ANK3: variants seen among roughly 807,000 people sequenced by gnomAD.
ANK3 encodes the protein ankyrin 3, also known as ankyrin-3.
A neutral mutation model predicts 370.9 loss-of-function variants in ANK3; 57 were observed. That is an observed-to-expected ratio of 0.15 (90% CI 0.12 to 0.19). The LOEUF (loss-of-function observed/expected upper bound fraction) is 0.19, where lower values mean the gene tolerates loss of function less well. Among genes scored for constraint, ANK3 ranks in the 10% least tolerant of loss-of-function variants. The pLI is 1.00. For missense variants in ANK3, 4,439 were observed against 5,302.1 expected (o/e 0.84, Z 5.06); for synonymous variants, 1,929 against 1,946.3 (o/e 0.99, Z 0.23).
chr10:60,435,808 A>G (rs1204930553), intron 2 of ANK3, among the ~76,000 whole-genome samples: 1 of 152,206 alleles, frequency 6.6e-6, no homozygotes, highest in African/African-American at 2.4e-5. Context: ...CATGTTTTTA[A>G]AGTCTCATCG....
At chr10:60,375,457 C>T (rs1417959885) in intron 1 of ANK3, among the ~76,000 whole-genome samples, 2 of 150,928 alleles carry the variant, frequency 1.3e-5, no homozygotes, top group Non-Finnish European at 2.9e-5. Flanking sequence ...AGTGGGAGGC[C>T]TTTAGTGAGA....
At chr10:60,174,737 G>T (rs937787405) in intron 18 of ANK3, among the ~76,000 whole-genome samples, 1 of 152,086 alleles carries the variant, frequency 6.6e-6, no homozygotes, top group Non-Finnish European at 1.5e-5. Context: ...TTGAGACAGG[G>T]TTGTTTATTT....
chr10:60,202,913 A>T (rs2096707118), intron 12 of ANK3, 89 bp downstream of exon 12: 1 of 882,164 alleles, frequency 1.1e-6, no homozygotes, highest in Non-Finnish European at 1.7e-6. Flanking sequence ...ACTCTTAAAA[A>T]AATAAAAAAT....
intron 40 of ANK3, 71 bp from the exon 41 acceptor site, chr10:60,059,501 C>T (rs1159090008): frequency 7.3e-7 from 1 of 1,378,970 alleles, no homozygotes; most frequent in Non-Finnish European, 1.0e-6. Context: ...TTTCTTCTGT[C>T]ATCTCCTCAG....
chr10:60,398,242 T>C (rs751548278), intron 2 of ANK3, among the ~76,000 whole-genome samples: 19 of 152,218 alleles, frequency 1.2e-4, no homozygotes, highest in Non-Finnish European at 1.9e-4. Flanking sequence ...TTTCTAACCA[T>C]TTAAAATGTA....
At chr10:60,551,529 AAAAT>A (rs1430929376) in intron 2 of ANK3, among the ~76,000 whole-genome samples, 21 of 152,314 alleles carry the variant, frequency 1.4e-4, no homozygotes, top group African/African-American at 4.3e-4. Context: ...TTTAGTGATG[AAAAT>A]AAATTATTTC....
intron 2 of ANK3, among the ~76,000 whole-genome samples, chr10:60,438,990 A>G (rs1265713021): frequency 6.6e-6 from 1 of 152,194 alleles, no homozygotes; most frequent in Non-Finnish European, 1.5e-5. Context: ...AGTCTCATGG[A>G]TGTGGGAACC....
At position 60,074,289 on chromosome 10, in the gene ANK3, G is replaced by A. The variant is rs749528201; in HGVS notation, c.6592C>T (p.Pro2198Ser). ...PEEPVSPKPSPTFMELEPKPT... is the reference protein window; with the variant it reads ...PEEPVSPKPSSTFMELEPKPT... ...TTTGGTTCCAATTCCATAAAAGTAGGTGAAGGTTTAGGTGACACAGGCTCC... is the reference window on the plus strand; with the variant it reads ...TTTGGTTCCAATTCCATAAAAGTAGATGAAGGTTTAGGTGACACAGGCTCC... Residue 2198 changes from proline to serine, a missense_variant, in exon 37 of 44, where the codon CCT becomes TCT. Pro to Ser is a moderately conservative substitution (Grantham distance 74). Around this residue, in one of 13 missense-constraint regions of ANK3, gnomAD observed 1,601 missense variants for 1,731.7 expected, o/e 0.92. Transcript: ENST00000280772. 5.0e-6 allele frequency: 8 copies of A among 1,614,040 alleles called. No individual in the cohort carries two copies. Among genetic ancestry groups the A allele is most frequent in the East Asian group, 2.2e-5 (1 of 44,872 alleles).
chr10:60,113,187 G>C (rs1482047278), intron 26 of ANK3, among the ~76,000 whole-genome samples: 1 of 151,298 alleles, frequency 6.6e-6, no homozygotes, highest in Non-Finnish European at 1.5e-5. Context: ...TGTAGACACT[G>C]GTATGTTTTT....
At chr10:60,649,736 TTA>T (rs1375115741) in intron 1 of ANK3, among the ~76,000 whole-genome samples, 1 of 152,320 alleles carries the variant, frequency 6.6e-6, no homozygotes, top group South Asian at 2.1e-4. Flanking sequence ...AGCTCTGCGT[TTA>T]TATGTTTTTA....
At chr10:60,096,326 G>C (rs1162605145) in intron 28 of ANK3, among the ~76,000 whole-genome samples, 3 of 152,050 alleles carry the variant, frequency 2.0e-5, no homozygotes, top group Non-Finnish European at 4.4e-5. Flanking sequence ...TTTTAAAAAC[G>C]GTCCTTACTA....
chr10:60,433,703 A>C (rs555322666), intron 2 of ANK3, among the ~76,000 whole-genome samples: 2 of 152,342 alleles, frequency 1.3e-5, no homozygotes, highest in African/African-American at 4.8e-5. Flanking sequence ...AGGAACCAGG[A>C]AGAAGGCTTG....
chr10:60,228,234 C>A (rs1487724151), intron 8 of ANK3, among the ~76,000 whole-genome samples: 1 of 152,020 alleles, frequency 6.6e-6, no homozygotes, highest in Non-Finnish European at 1.5e-5. Context: ...TACTGAATAA[C>A]CTACTATAAA....
chr10:60,469,547 GTA>G (rs374056172), intron 2 of ANK3, among the ~76,000 whole-genome samples: 22 of 1,032 alleles, frequency 0.021, 6 homozygotes, highest in African/African-American at 0.05. Context: ...ATATGGTGGT[GTA>G]TATATATATA....
At chr10:60,717,997 G>A (rs773573563) in intron 1 of ANK3, among the ~76,000 whole-genome samples, 1 of 152,240 alleles carries the variant, frequency 6.6e-6, no homozygotes, top group Non-Finnish European at 1.5e-5. Context: ...ATTGGTTACA[G>A]CTCAACATCT....
At chr10:60,539,373 C>T (rs1228511686) in intron 2 of ANK3, among the ~76,000 whole-genome samples, 1 of 151,834 alleles carries the variant, frequency 6.6e-6, no homozygotes, top group Non-Finnish European at 1.5e-5. Context: ...AGTTCCTTGT[C>T]AACTGCAAAT....
chr10:60,728,341 A>G (rs183837097), intron 1 of ANK3, among the ~76,000 whole-genome samples: 132 of 152,324 alleles, frequency 8.7e-4, no homozygotes, highest in African/African-American at 3.1e-3. Context: ...TTCCTGTTGG[A>G]ACTAACAAAT....
chr10:60,591,280 G>A (rs1018099622), intron 2 of ANK3, among the ~76,000 whole-genome samples: 3 of 150,566 alleles, frequency 2.0e-5, no homozygotes, highest in African/African-American at 7.3e-5. Context: ...TCCAACATCC[G>A]TTATTTTTTA....
chr10:60,211,892 C>CAAAAAAA (rs72238553), intron 9 of ANK3, among the ~76,000 whole-genome samples: 2 of 93,400 alleles, frequency 2.1e-5, no homozygotes, highest in African/African-American at 9.6e-5. Flanking sequence ...AATACAGAGC[C>CAAAAAAA]AAAAAAAAAA....
Sources: gnomAD v4.1 joint callset for allele counts (sites outside exome capture counted in the v4.1 genomes callset) on GRCh38, gnomAD v4.1.1 for gene constraint, gnomAD v4.1.1 regional missense constraint, MANE v1.5 for transcripts, NCBI Gene and HGNC (gene_info 2026-07-23, HGNC 2026-07-21) for gene names.